The following TMTC2 variants were observed in gnomAD, a reference collection of about 807,000 sequenced individuals.
TMTC2 encodes the protein protein O-mannosyl-transferase TMTC2.
In TMTC2, 43 loss-of-function variants were observed where a neutral mutation model predicts 82.4. The observed-to-expected ratio is 0.52, with a 90% CI of 0.41 to 0.67. The LOEUF is 0.67. TMTC2 is among the 30% of genes least tolerant of loss of function. The probability of loss-of-function intolerance (pLI) is 0.00; values close to 1 mark genes in which losing one functional copy is unlikely to be tolerated. For missense variants in TMTC2, 919 were observed against 1,012.4 expected (o/e 0.91, Z 1.25); for synonymous variants, 408 against 381.9 (o/e 1.07, Z -0.80).
At chr12:82,952,510 TACACACACAG>T (rs1312993147) in intron 4 of TMTC2, among the ~76,000 whole-genome samples, 1 of 151,876 alleles carries the variant, frequency 6.6e-6, no homozygotes, top group African/African-American at 2.4e-5. Flanking sequence ...TATATATACA[TACACACACAG>T]ACACACACAC....
chr12:82,980,618 AT>A (rs980004176), intron 7 of TMTC2, among the ~76,000 whole-genome samples: 5 of 147,184 alleles, frequency 3.4e-5, no homozygotes, highest in African/African-American at 1.3e-4. Context: ...GAAAAAAAAA[AT>A]TATAATTTGT....
At position 83,045,707 on chromosome 12, in the gene TMTC2, TCA is replaced by T. The variant is rs143555229; in HGVS notation, c.2153-5179_2153-5178del. ...GCTTATAGGGCAGGAAAGGGCTCCT[TCA>T]CACACACACACACACACGCACACAC... On this transcript the variant is annotated intron_variant, in intron 9 of 11. Coordinates refer to ENST00000321196, the MANE Select transcript of TMTC2 (RefSeq NM_152588.3). Among the ~76,000 whole-genome samples the T allele has an allele frequency of 7.3e-5, 9 of 122,756 alleles. No homozygotes were observed. The South Asian group carries it at 1.6e-3, about 22-fold the overall frequency. 80.5% of individuals were successfully genotyped at this position (122,756 alleles called of 152,430 possible). A position where few individuals can be genotyped will look rare whatever the true frequency, so the allele number is the denominator to read the frequency against.
intron 1 of TMTC2, among the ~76,000 whole-genome samples, chr12:82,851,286 C>T (rs1287167006): frequency 2.0e-5 from 3 of 151,668 alleles, no homozygotes; most frequent in Non-Finnish European, 4.4e-5. Context: ...AAAAATTAGC[C>T]AGGTGTGGTG....
At chr12:82,866,258 A>T (rs1031529820) in intron 2 of TMTC2, among the ~76,000 whole-genome samples, 1 of 151,840 alleles carries the variant, frequency 6.6e-6, no homozygotes, top group East Asian at 1.9e-4. Flanking sequence ...AAAAAAAAAA[A>T]AAAAACAAAA....
At chr12:82,716,332 A>G (rs987022927) in intron 1 of TMTC2, among the ~76,000 whole-genome samples, 1 of 151,650 alleles carries the variant, frequency 6.6e-6, no homozygotes, top group Non-Finnish European at 1.5e-5. Flanking sequence ...AGTTACTGGT[A>G]CATTCACATT....
chr12:82,914,685 T>C (rs1874893403), intron 3 of TMTC2, among the ~76,000 whole-genome samples: 1 of 152,136 alleles, frequency 6.6e-6, no homozygotes, highest in African/African-American at 2.4e-5. Context: ...TGGTTATGCT[T>C]TTAGTATATA....
intron 1 of TMTC2, among the ~76,000 whole-genome samples, chr12:82,823,908 T>G (rs1359904416): frequency 6.6e-6 from 1 of 151,712 alleles, no homozygotes; most frequent in East Asian, 1.9e-4. Context: ...TTTTTTTTTT[T>G]TTTGAGACGG....
chr12:82,847,936 A>T (rs1346254015), intron 1 of TMTC2, among the ~76,000 whole-genome samples: 2 of 152,144 alleles, frequency 1.3e-5, no homozygotes, highest in Non-Finnish European at 2.9e-5. Context: ...CCTAGAACTT[A>T]AAGTATAATA....
chr12:83,043,195 A>C (rs1276022048), intron 9 of TMTC2, among the ~76,000 whole-genome samples: 3 of 152,004 alleles, frequency 2.0e-5, no homozygotes, highest in African/African-American at 7.3e-5. Flanking sequence ...AAAGAGAAGA[A>C]CCCCCTCTGT....
intron 8 of TMTC2, among the ~76,000 whole-genome samples, chr12:83,022,576 A>G (rs1259578128): frequency 1.3e-5 from 2 of 152,074 alleles, no homozygotes; most frequent in South Asian, 2.1e-4. Flanking sequence ...ATAGAGTGAA[A>G]CATCACATCT....
chr12:82,856,618 G>C (rs1315799011), intron 1 of TMTC2, among the ~76,000 whole-genome samples: 1 of 152,294 alleles, frequency 6.6e-6, no homozygotes, highest in African/African-American at 2.4e-5. Context: ...GCTAGTCCTT[G>C]CATCACCTGG....
At chr12:83,014,188 C>T (rs141058987) in intron 8 of TMTC2, among the ~76,000 whole-genome samples, 12 of 152,262 alleles carry the variant, frequency 7.9e-5, no homozygotes, top group Non-Finnish European at 1.5e-4. Flanking sequence ...TTTGAGACAG[C>T]ATCTGGCTCT....
chr12:82,967,117 C>T, intron 7 of TMTC2, 120 bp downstream of exon 7: 1 of 709,672 alleles, frequency 1.4e-6, no homozygotes, highest in Non-Finnish European at 2.3e-6. Flanking sequence ...AAGAAACGTT[C>T]ACAATCTGGC....
chr12:82,906,521 C>T (rs550949379), intron 3 of TMTC2, among the ~76,000 whole-genome samples: 8 of 152,014 alleles, frequency 5.3e-5, no homozygotes, highest in African/African-American at 1.4e-4. Context: ...AAAAATTAGC[C>T]GGGTTTGGTG....
At position 83,102,650 on chromosome 12, in the gene TMTC2, G is replaced by A. The variant is rs553525088; in HGVS notation, c.2332-29560G>A. Reference sequence around the variant, plus strand: ...TAAACAAAGTGGAGTATTTCCAACCGTGGATAGCATTCCAGAAGGATGTCA... The same window carrying A: ...TAAACAAAGTGGAGTATTTCCAACCATGGATAGCATTCCAGAAGGATGTCA... On this transcript the variant is annotated intron_variant, in intron 11 of 11. Transcript: ENST00000321196. Among the ~76,000 whole-genome samples the A allele has an allele frequency of 4.6e-5, 7 of 152,298 alleles. No individual in the cohort carries two copies. In the East Asian group the frequency reaches 1.2e-3, roughly 25 times the overall value.
In TMTC2 at chr12:83,006,651, C is replaced by T. The variant is rs756055835; in HGVS notation, c.2070+20605C>T. Among the ~76,000 whole-genome samples, 3 of 152,314 alleles carry T rather than the reference C, an allele frequency of 2.0e-5. No homozygotes were observed. The South Asian group carries it at 6.2e-4, about 32-fold the overall frequency. ...ATGCTGCTATAAAGACACATGCACACACGTATGTTTATTGTGGGACTATTC... is the reference window on the plus strand; with the variant it reads ...ATGCTGCTATAAAGACACATGCACATACGTATGTTTATTGTGGGACTATTC... On this transcript the variant is annotated intron_variant, in intron 8 of 11. Transcript: ENST00000321196.
At chr12:83,034,285 A>G (rs1202702893) in intron 9 of TMTC2, among the ~76,000 whole-genome samples, 1 of 152,162 alleles carries the variant, frequency 6.6e-6, no homozygotes, top group African/African-American at 2.4e-5. Flanking sequence ...TGTTAATCCA[A>G]CTATTAAAGG....
chr12:82,764,704 C>T (rs1209807587), intron 1 of TMTC2, among the ~76,000 whole-genome samples: 1 of 151,992 alleles, frequency 6.6e-6, no homozygotes, highest in East Asian at 1.9e-4. Flanking sequence ...CAGGTCTACG[C>T]CTTTCTCCGA....
chr12:82,876,032 G>GGTA (rs1436512711), intron 2 of TMTC2, among the ~76,000 whole-genome samples: 2 of 95,630 alleles, frequency 2.1e-5, no homozygotes, highest in Non-Finnish European at 3.9e-5. Context: ...TGGTGGCGGT[G>GGTA]GTGGTGGTGG....
Sources: gnomAD v4.1 joint callset for allele counts (sites outside exome capture counted in the v4.1 genomes callset) on GRCh38, gnomAD v4.1.1 for gene constraint, MANE v1.5 for transcripts, NCBI Gene and HGNC (gene_info 2026-07-23, HGNC 2026-07-21) for gene names.